Variants in RBFOX1 observed in about 807,000 individuals in gnomAD.
RBFOX1 encodes RNA binding fox-1 homolog 1.
RBFOX1 carries 8 observed loss-of-function variants against 57.7 expected under a neutral mutation model. The observed-to-expected ratio is 0.14, with a 90% CI of 0.08 to 0.25. The LOEUF (loss-of-function observed/expected upper bound fraction) is 0.25, where lower values mean the gene tolerates loss of function less well. Among genes scored for constraint, RBFOX1 ranks in the 10% least tolerant of loss-of-function variants. The pLI is 1.00. For synonymous variants in RBFOX1, 326 were observed against 222.4 expected (o/e 1.47, Z -4.15); for missense variants, 611 against 548.5 (o/e 1.11, Z -1.14).
intron 3 of RBFOX1, among the ~76,000 whole-genome samples, chr16:5,750,665 C>T (rs1465853663): frequency 3.3e-5 from 5 of 152,204 alleles, no homozygotes; most frequent in Admixed American, 2.0e-4. Flanking sequence ...ACCCTCTGAG[C>T]CAGGCATGGG....
chr16:5,907,737 A>G (rs1487404555), intron 4 of RBFOX1, among the ~76,000 whole-genome samples: 1 of 149,020 alleles, frequency 6.7e-6, no homozygotes, highest in Non-Finnish European at 1.5e-5. Context: ...CATCATCATC[A>G]TCATCATCAT....
At chr16:7,665,039 A>C (rs746354707) in intron 13 of RBFOX1, 71 bp downstream of exon 13, 2 of 1,613,512 alleles carry the variant, frequency 1.2e-6, no homozygotes, top group Admixed American at 3.3e-5. Context: ...GTTTGCTGTG[A>C]ATTTCTCTAC....
At chr16:7,319,023 T>G (rs2096495402) in intron 4 of RBFOX1, among the ~76,000 whole-genome samples, 1 of 152,160 alleles carries the variant, frequency 6.6e-6, no homozygotes, top group Non-Finnish European at 1.5e-5. Flanking sequence ...GCATCATTGG[T>G]AAGTTTTAGA....
At chr16:6,499,580 T>C in intron 2 of RBFOX1, among the ~76,000 whole-genome samples, 1 of 151,984 alleles carries the variant, frequency 6.6e-6, no homozygotes. Flanking sequence ...CAAGACAGAG[T>C]CTTGTAATCT....
chr16:6,929,875 C>T (rs2076222298), intron 3 of RBFOX1, among the ~76,000 whole-genome samples: 1 of 152,074 alleles, frequency 6.6e-6, no homozygotes, highest in Non-Finnish European at 1.5e-5. Context: ...ATTTAAAAAA[C>T]ACTGCTTTAG....
intron 5 of RBFOX1, among the ~76,000 whole-genome samples, chr16:7,522,943 C>T (rs1015886235): frequency 6.6e-6 from 1 of 152,160 alleles, no homozygotes; most frequent in Non-Finnish European, 1.5e-5. Flanking sequence ...GATAATGAAT[C>T]TGTCCATTAT....
chr16:7,673,773 G>GAAAT (rs1255053935), intron 13 of RBFOX1, among the ~76,000 whole-genome samples: 1 of 152,206 alleles, frequency 6.6e-6, no homozygotes, highest in Non-Finnish European at 1.5e-5. Context: ...ATCCTGTGAA[G>GAAAT]AAATAAATGT....
At chr16:6,077,880 A>T (rs918401213) in intron 1 of RBFOX1, among the ~76,000 whole-genome samples, 1 of 151,976 alleles carries the variant, frequency 6.6e-6, no homozygotes, top group African/African-American at 2.4e-5. Context: ...GGTTGTGACT[A>T]ATGTTAGGAA....
At chr16:6,403,049 G>T (rs1021079224) in intron 2 of RBFOX1, among the ~76,000 whole-genome samples, 2 of 152,108 alleles carry the variant, frequency 1.3e-5, no homozygotes, top group Non-Finnish European at 2.9e-5. Flanking sequence ...TTAGAGGCTT[G>T]GGTGCTGAGA....
intron 5 of RBFOX1, among the ~76,000 whole-genome samples, chr16:7,564,230 A>G (rs182006876): frequency 3.9e-5 from 6 of 152,190 alleles, no homozygotes; most frequent in Admixed American, 3.3e-4. Context: ...TCCCTCTTCC[A>G]TCTGAGAACA....
intron 4 of RBFOX1, among the ~76,000 whole-genome samples, chr16:7,109,388 T>G (rs1180623257): frequency 6.6e-6 from 1 of 152,026 alleles, no homozygotes; most frequent in Admixed American, 6.6e-5. Flanking sequence ...CCAATGAGAT[T>G]ATTGAGTTAC....
intron 1 of RBFOX1, among the ~76,000 whole-genome samples, chr16:6,245,551 G>A (rs569264432): frequency 4.5e-4 from 69 of 152,236 alleles, no homozygotes; most frequent in African/African-American, 1.6e-3. Flanking sequence ...CATCTAGCAG[G>A]TTTTACGGTT....
chr16:6,813,090 A>G (rs1307249035), intron 3 of RBFOX1, among the ~76,000 whole-genome samples: 1 of 151,198 alleles, frequency 6.6e-6, no homozygotes, highest in Non-Finnish European at 1.5e-5. Flanking sequence ...CCATGAATAT[A>G]TTTTCACTCC....
chr16:7,373,098 A>AT (rs1190475076), intron 4 of RBFOX1, among the ~76,000 whole-genome samples: 7 of 151,914 alleles, frequency 4.6e-5, no homozygotes, highest in Middle Eastern at 3.4e-3. Context: ...TGCGTGGCTA[A>AT]TTTTTTTGTA....
chr16:7,626,989 G>A (rs1226559460), intron 10 of RBFOX1, among the ~76,000 whole-genome samples: 3 of 152,072 alleles, frequency 2.0e-5, no homozygotes, highest in African/African-American at 7.2e-5. Flanking sequence ...GACCACGAAG[G>A]ATCTATCAGG....
chr16:7,561,035 A>G (rs1435756582), intron 5 of RBFOX1, among the ~76,000 whole-genome samples: 2 of 152,182 alleles, frequency 1.3e-5, no homozygotes, highest in Middle Eastern at 3.2e-3. Flanking sequence ...CTACTGGTTC[A>G]GGTTATGTCT....
intron 4 of RBFOX1, among the ~76,000 whole-genome samples, chr16:7,341,862 G>T (rs1178242074): frequency 1.4e-5 from 2 of 146,882 alleles, no homozygotes; most frequent in Admixed American, 1.4e-4. Flanking sequence ...AGGAGCTCCT[G>T]CCCCCGGCCC....
intron 2 of RBFOX1, among the ~76,000 whole-genome samples, chr16:6,433,930 C>A (rs12597495): frequency 6.6e-6 from 1 of 151,336 alleles, no homozygotes; most frequent in South Asian, 2.1e-4. Context: ...TCACCGTAAC[C>A]TCCACCTCCC....
intron 4 of RBFOX1, among the ~76,000 whole-genome samples, chr16:7,364,575 C>CA (rs1183081362): frequency 0.049 from 2,540 of 51,914 alleles, 46 homozygotes; most frequent in Non-Finnish European, 0.073. Context: ...TCAAGAAGAC[C>CA]AAAAAAAAAA....
Sources: allele counts gnomAD v4.1 joint callset (sites outside exome capture counted in the v4.1 genomes callset), GRCh38; gene constraint gnomAD v4.1.1; transcripts MANE v1.5; gene names NCBI Gene and HGNC (gene_info 2026-07-23, HGNC 2026-07-21).